ANKRD26: variants seen among roughly 807,000 people sequenced by gnomAD.
ANKRD26 encodes ankyrin repeat domain-containing protein 26.
In ANKRD26, 141 loss-of-function variants were observed where a neutral mutation model predicts 208.7. The ratio of observed to expected loss-of-function variants is 0.68; its 90% CI spans 0.59 to 0.78. ANKRD26 has a LOEUF of 0.78. ANKRD26 is among the 30% of genes least tolerant of loss of function. The probability of loss-of-function intolerance (pLI) is 0.00; values close to 1 mark genes in which losing one functional copy is unlikely to be tolerated. For missense variants in ANKRD26, 1,889 were observed against 1,938.7 expected (o/e 0.97, Z 0.48); for synonymous variants, 636 against 660.4 (o/e 0.96, Z 0.57).
chr10:26,975,651 G>A (rs1469583912), exon 6 of ANKRD26, among the ~76,000 whole-genome samples: 1 of 151,776 alleles, frequency 6.6e-6, no homozygotes, highest in African/African-American at 2.4e-5. Context: ...AGACCAGCCT[G>A]GCCAACATGG....
intron 16 of ANKRD26, chr10:27,051,888 C>A: frequency 1.0e-6 from 1 of 985,386 alleles, no homozygotes; most frequent in Non-Finnish European, 1.2e-6. Flanking sequence ...AGTTTCACCA[C>A]AGCTCTGCTT....
intron 16 of ANKRD26, chr10:27,051,647 A>T: frequency 1.0e-6 from 1 of 985,284 alleles, no homozygotes; most frequent in South Asian, 4.7e-5. Flanking sequence ...ATGACTGGCA[A>T]GCATATTCTG....
intron 9 of ANKRD26, among the ~76,000 whole-genome samples, chr10:27,073,528 G>T (rs948312581): frequency 2.6e-5 from 4 of 152,162 alleles, no homozygotes; most frequent in African/African-American, 9.7e-5. Context: ...CTGCTTTCCT[G>T]TGGCTCCCTC....
chr10:27,100,409 C>A lies in ANKRD26; in HGVS notation c.-83G>T, dbSNP rs754032631. On this transcript the variant is annotated 5_prime_UTR_variant, in exon 1 of 34. Coordinates refer to ENST00000376087, the MANE Select transcript of ANKRD26 (RefSeq NM_014915.3). ...CCGGAGCCCAACATAACAAGTCAGCCCCGGCTGGCCGCAGCCTCCCAAAGG... is the reference window on the plus strand; with the variant it reads ...CCGGAGCCCAACATAACAAGTCAGCACCGGCTGGCCGCAGCCTCCCAAAGG... 4.0e-5 allele frequency: 62 copies of A among 1,568,878 alleles called. No homozygotes were observed. The highest frequency in any genetic ancestry group is 2.3e-4 in the Middle Eastern group (1 of 4,316).
intron 29 of ANKRD26, among the ~76,000 whole-genome samples, chr10:27,020,063 T>A (rs948650680): frequency 1.3e-5 from 2 of 152,216 alleles, no homozygotes; most frequent in African/African-American, 2.4e-5. Flanking sequence ...TCTAATCTAA[T>A]GCCGAAGTCA....
chr10:27,060,801 G>GA (rs1189316477), intron 13 of ANKRD26, among the ~76,000 whole-genome samples: 1 of 152,210 alleles, frequency 6.6e-6, no homozygotes, highest in African/African-American at 2.4e-5. Context: ...AACTAAAATA[G>GA]AAAAGTGCAC....
downstream of ANKRD26, among the ~76,000 whole-genome samples, chr10:27,001,417 C>T (rs1163002953): frequency 1.3e-5 from 2 of 152,072 alleles, no homozygotes; most frequent in Non-Finnish European, 2.9e-5. Flanking sequence ...AAAAGCTCTC[C>T]CCTGCAGAGA....
chr10:26,958,040 G>C, the ANKRD26 span, among the ~76,000 whole-genome samples: 4 of 150,764 alleles, frequency 2.7e-5, no homozygotes, highest in Admixed American at 6.6e-5. Context: ...GTGCCATGGT[G>C]GTTTACTGCA....
In ANKRD26 at chr10:26,974,620, G is replaced by A. The variant is rs143896257; in HGVS notation, c.*1704C>T. Among the ~76,000 whole-genome samples the A allele has an allele frequency of 4.6e-3, 707 of 152,278 alleles. 6 individuals carry two copies. Among genetic ancestry groups the A allele is most frequent in the African/African-American group, 0.016 (662 of 41,556 alleles). ...CTCCCAAAGTGCTGCGATTACAGGCGGGAGCCACCGTGCCCGGCCTACCTC... is the reference window on the plus strand; with the variant it reads ...CTCCCAAAGTGCTGCGATTACAGGCAGGAGCCACCGTGCCCGGCCTACCTC... On this transcript the variant is annotated 3_prime_UTR_variant and NMD_transcript_variant, in exon 6 of 6. Transcript: ENST00000674670.
In ANKRD26 at chr10:27,005,146, A is replaced by C. The variant is rs531917417; in HGVS notation, c.*444T>G. 1.0e-6 allele frequency: 1 copy of C among 986,430 alleles called. No individual in the cohort carries two copies. The highest frequency in any genetic ancestry group is 4.7e-5 in the South Asian group (1 of 21,354). The allele number at this position is 986,430 out of a possible 1,614,324, so 61.1% of individuals were successfully genotyped here. On this transcript the variant is annotated 3_prime_UTR_variant, in exon 34 of 34. Coordinates refer to ENST00000376087, the MANE Select transcript of ANKRD26 (RefSeq NM_014915.3). ...AGAACAGCTATATAAATCAGTGCTTAAAATTAAAATTATGTAAATTTGATG... is the reference window on the plus strand; with the variant it reads ...AGAACAGCTATATAAATCAGTGCTTCAAATTAAAATTATGTAAATTTGATG...
the ANKRD26 span, among the ~76,000 whole-genome samples, chr10:26,952,680 A>C: frequency 6.6e-6 from 1 of 152,376 alleles, no homozygotes; most frequent in East Asian, 1.9e-4. Flanking sequence ...TGCAAGGCTA[A>C]GTAGGGACAG....
In ANKRD26 at chr10:26,984,038, C is replaced by A. The variant is rs1043326381; in HGVS notation, c.490-1225G>T. ...TGTAGAAACAGGTTTATTTCACGGG[C>A]TACAGCAGACGGCAGTGGCAAGAAG... On this transcript the variant is annotated intron_variant and NMD_transcript_variant, in intron 3 of 5. Transcript: ENST00000674670. Among the ~76,000 whole-genome samples the A allele has an allele frequency of 2.0e-5, 3 of 152,188 alleles. No homozygotes were observed. In the South Asian group the frequency reaches 6.2e-4, roughly 31 times the overall value.
At chr10:26,991,158 G>A (rs1361250881), downstream of ANKRD26, among the ~76,000 whole-genome samples, 2 of 152,186 alleles carry the variant, frequency 1.3e-5, no homozygotes, top group Non-Finnish European at 2.9e-5. Flanking sequence ...CCAGACCTCA[G>A]CAAATCGTCC....
At chr10:27,049,996 G>C (rs139936499) in intron 16 of ANKRD26, among the ~76,000 whole-genome samples, 8 of 151,928 alleles carry the variant, frequency 5.3e-5, no homozygotes, top group African/African-American at 1.9e-4. Flanking sequence ...GCCGAGGTGC[G>C]TGGATCATGA....
At chr10:27,046,585 CAGAA>C in intron 17 of ANKRD26, 62 bp from the exon 18 acceptor site, 1 of 1,497,388 alleles carries the variant, frequency 6.7e-7, no homozygotes, top group Non-Finnish European at 9.2e-7. Context: ...AAACAACATG[CAGAA>C]AGAGAGTTAA....
chr10:27,045,912 T>A (rs1180783249), intron 18 of ANKRD26, among the ~76,000 whole-genome samples: 1 of 152,226 alleles, frequency 6.6e-6, no homozygotes, highest in African/African-American at 2.4e-5. Flanking sequence ...AATTAGTTTA[T>A]TATAAATCTT....
rs1418111268 is a variant in ANKRD26 at position 27,046,372 on chromosome 10, T to C, written c.1966A>G (p.Ile656Val). 6.2e-7 allele frequency: 1 copy of C among 1,614,000 alleles called. No homozygotes were observed. Among genetic ancestry groups the C allele is most frequent in the African/African-American group, 1.3e-5 (1 of 74,946 alleles). ...TTTTACCTTCCTTCATCCTCATCTA[T>C]TTCACTTAAACTGCTGTCATCATCC... The part of the protein sequence containing the change: ...QVDDDSSLSE[I>V]DEDEGRPTKK... The change falls in exon 18 of 34, where the codon ATA becomes GTA. Residue 656 changes from isoleucine (I) to valine (V), a missense_variant. Coordinates refer to ENST00000376087, the MANE Select transcript of ANKRD26 (RefSeq NM_014915.3).
intron 1 of ANKRD26, 54 bp from the exon 2 acceptor site, chr10:27,093,853 C>A (rs377505376): frequency 7.6e-7 from 1 of 1,308,016 alleles, no homozygotes; most frequent in Non-Finnish European, 1.1e-6. Context: ...TCAAAACATA[C>A]AATGGTTCAT....
At chr10:27,065,959 G>A (rs1415120747) in intron 11 of ANKRD26, among the ~76,000 whole-genome samples, 3 of 141,496 alleles carry the variant, frequency 2.1e-5, no homozygotes, top group Non-Finnish European at 4.5e-5. Flanking sequence ...TCTGCCTCCC[G>A]GGTTCAAGCG....
Sources: allele counts gnomAD v4.1 joint callset (sites outside exome capture counted in the v4.1 genomes callset), GRCh38; gene constraint gnomAD v4.1.1; transcripts MANE v1.5; gene names NCBI Gene and HGNC (gene_info 2026-07-23, HGNC 2026-07-21).